PDE1C: variants seen among roughly 807,000 people sequenced by gnomAD.
PDE1C encodes dual specificity calcium/calmodulin-dependent 3',5'-cyclic nucleotide phosphodiesterase 1C.
In PDE1C, 62 loss-of-function variants were observed where a neutral mutation model predicts 93.1. The ratio of observed to expected loss-of-function variants is 0.67; its 90% CI spans 0.54 to 0.82. The LOEUF (loss-of-function observed/expected upper bound fraction) is 0.82. Among genes scored for constraint, PDE1C ranks in the 40% least tolerant of loss-of-function variants. PDE1C has a pLI of 0.00. For synonymous variants in PDE1C, 325 were observed against 310.1 expected (o/e 1.05, Z -0.50); for missense variants, 742 against 884.6 (o/e 0.84, Z 2.04).
At chr7:32,201,929 A>C (rs1403027371) in intron 2 of PDE1C, among the ~76,000 whole-genome samples, 1 of 152,342 alleles carries the variant, frequency 6.6e-6, no homozygotes, top group East Asian at 1.9e-4. Context: ...GCTTCGTAGC[A>C]CATCTGAGAC....
intron 9 of PDE1C, among the ~76,000 whole-genome samples, chr7:31,843,829 G>C (rs1404359465): frequency 1.3e-5 from 2 of 151,334 alleles, no homozygotes; most frequent in Non-Finnish European, 3.0e-5. Flanking sequence ...TTTATCTACT[G>C]CTAAATGGTC....
intron 1 of PDE1C, among the ~76,000 whole-genome samples, chr7:32,414,337 CA>C (rs1785230478): frequency 6.6e-6 from 1 of 151,218 alleles, no homozygotes; most frequent in Non-Finnish European, 1.5e-5. Flanking sequence ...AAAATGCCCA[CA>C]AAATAAAAGT....
At chr7:32,338,789 G>A in intron 1 of PDE1C, among the ~76,000 whole-genome samples, 1 of 152,084 alleles carries the variant, frequency 6.6e-6, no homozygotes, top group Non-Finnish European at 1.5e-5. Context: ...GGATCACGAG[G>A]TCAGGAGATC....
chr7:32,237,937 A>G lies in PDE1C; in HGVS notation c.86-28398T>C, dbSNP rs976319466. 2.1e-3 allele frequency among the ~76,000 whole-genome samples: 321 copies of G among 151,336 alleles called. 3 individuals carry two copies. The highest frequency in any genetic ancestry group is 6.9e-3 in the African/African-American group (286 of 41,262). On this transcript the variant is annotated intron_variant, in intron 1 of 18. Transcript: ENST00000396193. ...AGGCATGTGCCACCATGCCCGGCTA[A>G]TTTTGTATTTTTAGTAGAGATGGGG...
At chr7:31,884,488 A>G (rs1403616991) in intron 2 of PDE1C, among the ~76,000 whole-genome samples, 2 of 152,228 alleles carry the variant, frequency 1.3e-5, no homozygotes. Flanking sequence ...TTAAGTGGTG[A>G]CCAGCTTTGT....
intron 16 of PDE1C, among the ~76,000 whole-genome samples, chr7:31,779,327 T>C (rs1783228276): frequency 6.6e-6 from 1 of 152,214 alleles, no homozygotes; most frequent in South Asian, 2.1e-4. Context: ...GACCACAAAC[T>C]TCCAATGTTG....
intron 2 of PDE1C, among the ~76,000 whole-genome samples, chr7:32,040,538 G>A (rs1274108191): frequency 6.6e-6 from 1 of 152,144 alleles, no homozygotes; most frequent in Non-Finnish European, 1.5e-5. Context: ...CACTGGCTTA[G>A]AGAAATAAAG....
chr7:32,209,358 A>C (rs1318858103), intron 2 of PDE1C: 1 of 765,032 alleles, frequency 1.3e-6, no homozygotes, highest in Non-Finnish European at 2.1e-6. Flanking sequence ...GATGTTAACC[A>C]GATGATATTT....
rs1563028273 is a variant in PDE1C, at chr7:31,917,429, T to C, written c.129-36569A>G. Among the ~76,000 whole-genome samples the C allele has an allele frequency of 3.3e-5, 5 of 152,176 alleles. No individual in the cohort carries two copies. In the East Asian group the frequency reaches 9.7e-4, roughly 29 times the overall value. On this transcript the variant is annotated intron_variant, in intron 2 of 17. Coordinates refer to ENST00000396191, the MANE Select transcript of PDE1C (RefSeq NM_001191057.4). ...TAATGTCAACCTGAGTATAAATGAG[T>C]CAGACCTATGAGTCTCCAAGCATTA...
the PDE1C span, among the ~76,000 whole-genome samples, chr7:31,649,075 G>A: frequency 1.3e-5 from 2 of 152,218 alleles, no homozygotes; most frequent in Non-Finnish European, 2.9e-5. Context: ...TGATGCAAGA[G>A]TAATTGCAAA....
intron 1 of PDE1C, among the ~76,000 whole-genome samples, chr7:32,272,252 A>G (rs1318792573): frequency 6.6e-6 from 1 of 152,234 alleles, no homozygotes; most frequent in Admixed American, 6.5e-5. Context: ...TAGCCCTTGC[A>G]ACCCAGCTTG....
chr7:32,346,945 G>A (rs1323983041), intron 1 of PDE1C, among the ~76,000 whole-genome samples: 1 of 152,198 alleles, frequency 6.6e-6, no homozygotes, highest in Non-Finnish European at 1.5e-5. Context: ...CAGGCATTGA[G>A]TGCAAACAAG....
At chr7:31,810,435 T>C (rs899710144) in intron 15 of PDE1C, among the ~76,000 whole-genome samples, 1 of 152,240 alleles carries the variant, frequency 6.6e-6, no homozygotes, top group African/African-American at 2.4e-5. Flanking sequence ...ATGCTTTGCA[T>C]GCATCATTTT....
At chr7:32,267,992 G>A (rs1169839092) in intron 1 of PDE1C, among the ~76,000 whole-genome samples, 1 of 152,224 alleles carries the variant, frequency 6.6e-6, no homozygotes, top group Middle Eastern at 3.2e-3. Flanking sequence ...GATCTTTGGT[G>A]AAGGAAAAGT....
At chr7:31,645,468 A>G in the PDE1C span, among the ~76,000 whole-genome samples, 161 of 152,298 alleles carry the variant, frequency 1.1e-3, no homozygotes, top group African/African-American at 3.7e-3. Flanking sequence ...GATCAGTTCT[A>G]GGTATATTTT....
intron 2 of PDE1C, among the ~76,000 whole-genome samples, chr7:32,207,368 A>C (rs1805657128): frequency 6.6e-6 from 1 of 151,092 alleles, no homozygotes; most frequent in African/African-American, 2.5e-5. Flanking sequence ...AAAAAAAAAA[A>C]AAAACTTATC....
Position 31,752,114 on chromosome 7 carries a change from T to G in PDE1C, c.*1270A>C, listed in dbSNP as rs1794169672. ...TAAGCAAATGGAGGCATCAAAAAAT[T>G]ATGCCATCCGAGCAAGGACCTGCAA... On this transcript the variant is annotated 3_prime_UTR_variant, in exon 18 of 18. Transcript: ENST00000396191. 6.6e-6 allele frequency: 1 copy of G among 152,174 alleles called. No homozygotes were observed. The highest frequency in any genetic ancestry group is 2.1e-4 in the South Asian group (1 of 4,820). 9.4% of individuals were successfully genotyped at this position (152,174 alleles called of 1,614,324 possible).
intron 1 of PDE1C, among the ~76,000 whole-genome samples, chr7:32,060,679 A>G (rs959088347): frequency 6.6e-6 from 1 of 151,896 alleles, no homozygotes; most frequent in African/African-American, 2.4e-5. Flanking sequence ...ACTATGCCAA[A>G]TCTCCCAGAA....
At chr7:31,736,004 C>T in the PDE1C span, among the ~76,000 whole-genome samples, 6 of 152,168 alleles carry the variant, frequency 3.9e-5, no homozygotes, top group South Asian at 2.1e-4. Context: ...TACACATTCA[C>T]GTGGATTCAA....
Sources: allele counts gnomAD v4.1 joint callset (sites outside exome capture counted in the v4.1 genomes callset), GRCh38; gene constraint gnomAD v4.1.1; transcripts MANE v1.5; gene names NCBI Gene and HGNC (gene_info 2026-07-23, HGNC 2026-07-21).